The following SLC9A3 variants were observed in gnomAD, a reference collection of about 807,000 sequenced individuals.
The protein encoded by SLC9A3 is solute carrier family 9 member A3.
Under a neutral mutation model 86.8 loss-of-function variants are expected in SLC9A3, and 37 were observed. That is an observed-to-expected ratio of 0.43 (90% confidence interval 0.33 to 0.56). The LOEUF (loss-of-function observed/expected upper bound fraction) is 0.56. SLC9A3 is among the 20% of genes least tolerant of loss of function. The probability of loss-of-function intolerance (pLI) is 0.06; values close to 1 mark genes in which losing one functional copy is unlikely to be tolerated. For synonymous variants in SLC9A3, 581 were observed against 528.3 expected (o/e 1.10, Z -1.37); for missense variants, 1,011 against 1,171.9 (o/e 0.86, Z 2.00).
Position 491,835 on chromosome 5 carries a change from C to T in SLC9A3, c.448G>A (p.Gly150Ser), listed in dbSNP as rs1196489247. The T allele has an allele frequency of 6.3e-7, 1 of 1,599,418 alleles. No individual in the cohort carries two copies. The highest frequency in any genetic ancestry group is 1.7e-5 in the Admixed American group (1 of 58,180). Residue 150 changes from glycine to serine, a missense_variant, in exon 2 of 17, where the codon GGT becomes AGT. Physicochemically the swap from Gly to Ser is moderately conservative, Grantham distance 56. Coordinates refer to ENST00000264938, the MANE Select transcript of SLC9A3 (RefSeq NM_004174.4). The surrounding 1 kb of genome is among the most constrained non-coding windows in gnomAD (Gnocchi z 9.2). ...GTGGTGGCCGCGTTCCACACGGTACCCACGACGGCGTACAACAGGATGGTC... is the reference window on the plus strand; with the variant it reads ...GTGGTGGCCGCGTTCCACACGGTACTCACGACGGCGTACAACAGGATGGTC... ...LGTILLYAVV[G>S]TVWNAATTGL... is the part of the protein sequence containing the mutation.
At chr5:489,346 C>A (rs1339851806) in intron 2 of SLC9A3, among the ~76,000 whole-genome samples, 1 of 152,152 alleles carries the variant, frequency 6.6e-6, no homozygotes, top group African/African-American at 2.4e-5. Context: ...CCCGACGAGT[C>A]CCCCCGCACA....
intron 1 of SLC9A3, among the ~76,000 whole-genome samples, chr5:503,000 G>A (rs575675947): frequency 2.5e-4 from 34 of 134,966 alleles, no homozygotes; most frequent in Non-Finnish European, 2.2e-4. Flanking sequence ...ACAGATGGGC[G>A]TTCCAGTGAA....
In SLC9A3 at chr5:496,185, G is replaced by A. The variant is rs1038418786; in HGVS notation, c.212-4114C>T. On this transcript the variant is annotated intron_variant, in intron 1 of 16. Coordinates refer to ENST00000264938, the MANE Select transcript of SLC9A3 (RefSeq NM_004174.4). The surrounding 1 kb of genome is among the most constrained non-coding windows in gnomAD (Gnocchi z 4.7). ...GGCGGTTTGGAACATTCTGCCATCC[G>A]GGGTTGGAAAGGGTGTTGGACACGC... Among the ~76,000 whole-genome samples, 2 of 152,236 alleles carry A rather than the reference G, an allele frequency of 1.3e-5. No homozygotes were observed. Among genetic ancestry groups the A allele is most frequent in the African/African-American group, 2.4e-5 (1 of 41,462 alleles).
Position 477,323 on chromosome 5 carries a change from G to T in SLC9A3, c.1760+9C>A. The T allele has an allele frequency of 6.4e-7, 1 of 1,572,626 alleles. No homozygotes were observed. The highest frequency in any genetic ancestry group is 8.7e-7 in the Non-Finnish European group (1 of 1,147,480). On this transcript the variant is annotated intron_variant, in intron 11 of 16. Transcript: ENST00000264938. ...TCCCCAGGGAAGCTGCATGACCATG[G>T]CCACATACAGGAGGTAGGAGACAGA...
intron 1 of SLC9A3, among the ~76,000 whole-genome samples, chr5:506,800 G>A (rs984358621): frequency 3.9e-5 from 6 of 152,042 alleles, no homozygotes; most frequent in Non-Finnish European, 5.9e-5. Flanking sequence ...GGGCGCGGTG[G>A]CTCACGCCTG....
At chr5:522,219 GGAGCC>G (rs1289757980) in intron 1 of SLC9A3, among the ~76,000 whole-genome samples, 3 of 152,338 alleles carry the variant, frequency 2.0e-5, no homozygotes, top group African/African-American at 7.2e-5. Context: ...AGTTGCTGCT[GGAGCC>G]GGCAGCCTCC....
At chr5:499,166 T>C (rs780147331) in intron 1 of SLC9A3, among the ~76,000 whole-genome samples, 15 of 152,260 alleles carry the variant, frequency 9.9e-5, no homozygotes, top group South Asian at 2.1e-4. Flanking sequence ...CAAGGACCCA[T>C]GGCCTCCTCT....
chr5:514,568 G>C (rs4956948), intron 1 of SLC9A3, among the ~76,000 whole-genome samples: 57,177 of 152,112 alleles, frequency 0.38, 11,070 homozygotes, highest in East Asian at 0.51. Context: ...GGTACGGCCC[G>C]CTGAGGGCCC....
At chr5:498,814 G>T (rs1436996970) in intron 1 of SLC9A3, among the ~76,000 whole-genome samples, 1 of 152,212 alleles carries the variant, frequency 6.6e-6, no homozygotes, top group African/African-American at 2.4e-5. Context: ...CTCTCCTGGG[G>T]TGTGTCTCCC....
In SLC9A3 at chr5:491,884, G is replaced by A. The variant is rs779525843; in HGVS notation, c.399C>T (p.Asn133=). Residue 133 remains asparagine, a synonymous_variant, in exon 2 of 17, where the codon AAC becomes AAT. Transcript: ENST00000264938. This position sits in a 1 kb window ranked among gnomAD's most constrained non-coding sequence, Gnocchi z 9.2. ...TCCCCAGGTTGCCGAAGAAGAGGCG[G>A]TTGGGCATGAAGTAGCCGGCGTCCA... ...IVLDAGYFMP[N]RLFFGNLGTI... The A allele has an allele frequency of 8.1e-6, 13 of 1,611,114 alleles. No homozygotes were observed. The African/African-American group carries it at 1.2e-4, about 15-fold the overall frequency.
At chr5:489,880 C>G (rs1042206745) in intron 2 of SLC9A3, among the ~76,000 whole-genome samples, 2 of 152,232 alleles carry the variant, frequency 1.3e-5, no homozygotes, top group African/African-American at 2.4e-5. Context: ...GCCACCAGAC[C>G]GCATGTTCCA....
chr5:492,418 TG>T (rs1176561536), intron 1 of SLC9A3, among the ~76,000 whole-genome samples: 18 of 15,140 alleles, frequency 1.2e-3, no homozygotes, highest in Non-Finnish European at 1.4e-3. Flanking sequence ...GGGTGGGACC[TG>T]CGGGGGAGGG....
intron 1 of SLC9A3, among the ~76,000 whole-genome samples, chr5:517,075 G>T (rs1733751829): frequency 6.6e-6 from 1 of 151,832 alleles, no homozygotes; most frequent in South Asian, 2.1e-4. Context: ...ACCCACCTGT[G>T]GGTGCATCCA....
chr5:484,534 C>A lies in SLC9A3; in HGVS notation c.918G>T (p.Leu306=). ...GAGGGACTCACGCGAGGATGGCCGACAGCGACAGCATCTCGGACGTCAGGT... is the reference window on the plus strand; with the variant it reads ...GAGGGACTCACGCGAGGATGGCCGAAAGCGACAGCATCTCGGACGTCAGGT... The part of the protein sequence containing the change: ...LSYLTSEMLS[L]SAILAITFCG... Residue 306 remains leucine (L), a synonymous_variant, in exon 5 of 17, where the codon CTG becomes CTT. Coordinates refer to ENST00000264938, the MANE Select transcript of SLC9A3 (RefSeq NM_004174.4). 1 of 1,612,818 alleles carries A rather than the reference C, an allele frequency of 6.2e-7. No homozygotes were observed. The highest frequency in any genetic ancestry group is 8.5e-7 in the Non-Finnish European group (1 of 1,179,930).
rs747113445 is a variant in SLC9A3, at chr5:488,426, C to G, written c.565G>C (p.Ala189Pro). ...AGGACGGCCACCGGGTCCACAGCCG[C>G]CATGAGGCTGCCAAACAGGAGGAAG... ...LDFLLFGSLM[A>P]AVDPVAVLAV... Residue 189 changes from alanine (A) to proline (P), a missense_variant, in exon 3 of 17, where the codon GCG becomes CCG. Transcript: ENST00000264938. The G allele has an allele frequency of 6.2e-7, 1 of 1,600,210 alleles. No homozygotes were observed. The highest frequency in any genetic ancestry group is 8.5e-7 in the Non-Finnish European group (1 of 1,171,544).
At chr5:517,789 A>C (rs894704734) in intron 1 of SLC9A3, among the ~76,000 whole-genome samples, 3 of 139,934 alleles carry the variant, frequency 2.1e-5, no homozygotes, top group South Asian at 2.4e-4. Context: ...TCGTCCATTC[A>C]CCGAAACCAT....
At chr5:499,031 C>A (rs1239565786) in intron 1 of SLC9A3, among the ~76,000 whole-genome samples, 3 of 152,182 alleles carry the variant, frequency 2.0e-5, no homozygotes, top group Non-Finnish European at 4.4e-5. Context: ...GGACACTGGA[C>A]TGGGGACCAA....
rs57688213 is a variant in SLC9A3, at chr5:524,439, G to C, written c.-117C>G. ...CCCGGCGCGCTCCGGTGCCGGTACC[G>C]GCTACAGTCCGATCCCCGCCCGCCG... On this transcript the variant is annotated 5_prime_UTR_variant, in exon 1 of 17. Coordinates refer to ENST00000264938, the MANE Select transcript of SLC9A3 (RefSeq NM_004174.4). 0.089 allele frequency: 27,783 copies of C among 312,692 alleles called. 2,087 individuals carry two copies. The highest frequency in any genetic ancestry group is 0.37 in the East Asian group (4,886 of 13,178). The allele number at this position is 312,692 out of a possible 1,614,324, so 19.4% of individuals were successfully genotyped here. A position where few individuals can be genotyped will look rare whatever the true frequency, so the allele number is the denominator to read the frequency against.
intron 1 of SLC9A3, among the ~76,000 whole-genome samples, chr5:498,358 C>T (rs544437527): frequency 1.3e-5 from 2 of 152,318 alleles, no homozygotes; most frequent in East Asian, 3.9e-4. Flanking sequence ...GGGCTGGGCT[C>T]TTCCCCGCCA....
Sources: gnomAD v4.1 joint callset for allele counts (sites outside exome capture counted in the v4.1 genomes callset) on GRCh38, gnomAD v4.1.1 for gene constraint, Gnocchi (gnomAD v3.1) non-coding constraint, MANE v1.5 for transcripts, NCBI Gene and HGNC (gene_info 2026-07-23, HGNC 2026-07-21) for gene names.